CLMN: variants seen among roughly 807,000 people sequenced by gnomAD.
CLMN encodes calmin (calponin-like, transmembrane).
A neutral mutation model predicts 92.7 loss-of-function variants in CLMN; 57 were observed. The ratio of observed to expected loss-of-function variants is 0.61; its 90% CI spans 0.50 to 0.77. The LOEUF (loss-of-function observed/expected upper bound fraction) is 0.77, where lower values mean the gene tolerates loss of function less well. Among genes scored for constraint, CLMN ranks in the 30% least tolerant of loss-of-function variants. The pLI, the probability that CLMN is intolerant of heterozygous loss-of-function variation, is 0.00. For missense variants in CLMN, 1,158 were observed against 1,237.5 expected (o/e 0.94, Z 0.96); for synonymous variants, 466 against 470.6 (o/e 0.99, Z 0.13).
intron 2 of CLMN, 109 bp from the exon 3 acceptor site, chr14:95,223,964 C>T (rs1267284384): frequency 1.3e-6 from 1 of 770,750 alleles, no homozygotes; most frequent in Non-Finnish European, 2.1e-6. Flanking sequence ...ACATCCAGCT[C>T]TGTTTACAGG....
intron 1 of CLMN, among the ~76,000 whole-genome samples, chr14:95,267,651 C>A (rs1899529413): frequency 6.6e-6 from 1 of 152,188 alleles, no homozygotes; most frequent in South Asian, 2.1e-4. Flanking sequence ...ACCTTATGAT[C>A]CAGCAATCCC....
intron 1 of CLMN, among the ~76,000 whole-genome samples, chr14:95,284,103 C>A (rs1416433305): frequency 6.6e-6 from 1 of 152,166 alleles, no homozygotes; most frequent in Non-Finnish European, 1.5e-5. Context: ...CCAGCCGCTC[C>A]AGTTGTGGTG....
chr14:95,221,474 C>T (rs535853137), intron 4 of CLMN, among the ~76,000 whole-genome samples: 1 of 152,308 alleles, frequency 6.6e-6, no homozygotes, highest in South Asian at 2.1e-4. Context: ...AGTTTTAATC[C>T]TGATGGCTGC....
At chr14:95,193,410 C>G (rs3180753) in intron 12 of CLMN, 5 of 1,531,604 alleles carry the variant, frequency 3.3e-6, no homozygotes, top group Non-Finnish European at 4.4e-6. Flanking sequence ...CTTCTGAGTA[C>G]TGTACCTGCA....
chr14:95,199,223 A>C (rs1194611753), intron 9 of CLMN: 1 of 152,270 alleles, frequency 6.6e-6, no homozygotes, highest in Non-Finnish European at 1.5e-5. Context: ...TAAAATCTGC[A>C]GTGTCTTTTA....
rs1052829802 is a variant in CLMN, at chr14:95,187,035, G to C, written c.*4529C>G. 5 of 152,238 alleles carry C rather than the reference G, an allele frequency of 3.3e-5. No homozygotes were observed. Among genetic ancestry groups the C allele is most frequent in the African/African-American group, 1.2e-4 (5 of 41,444 alleles). 9.4% of individuals were successfully genotyped at this position (152,238 alleles called of 1,614,324 possible). A position where few individuals can be genotyped will look rare whatever the true frequency, so the allele number is the denominator to read the frequency against. ...TAACTAATCATGGCATTCAAGCAGAGCTTAGCCATGCTATGTATCCCTCTC... is the reference window on the plus strand; with the variant it reads ...TAACTAATCATGGCATTCAAGCAGACCTTAGCCATGCTATGTATCCCTCTC... On this transcript the variant is annotated 3_prime_UTR_variant, in exon 13 of 13. Transcript: ENST00000298912.
In CLMN at chr14:95,210,908, G is replaced by T. The variant is rs765740432; in HGVS notation, c.609-29C>A. Reference sequence around the variant, plus strand: ...AAGGAAAAACAGCAGCGGCGGCCAGGATGCTGGTTAGTAAACAGACTCAAA... The same window carrying T: ...AAGGAAAAACAGCAGCGGCGGCCAGTATGCTGGTTAGTAAACAGACTCAAA... On this transcript the variant is annotated intron_variant, in intron 6 of 12. Coordinates refer to ENST00000298912, the MANE Select transcript of CLMN (RefSeq NM_024734.4). The T allele has an allele frequency of 4.5e-5, 67 of 1,490,494 alleles. 1 individual carries two copies. The highest frequency in any genetic ancestry group is 5.9e-5 in the Non-Finnish European group (66 of 1,126,710). The allele number at this position is 1,490,494 out of a possible 1,614,324, so 92.3% of individuals were successfully genotyped here. A position where few individuals can be genotyped will look rare whatever the true frequency, so the allele number is the denominator to read the frequency against.
intron 1 of CLMN, among the ~76,000 whole-genome samples, chr14:95,241,052 A>G (rs1187804337): frequency 6.6e-6 from 1 of 152,172 alleles, no homozygotes; most frequent in Non-Finnish European, 1.5e-5. Context: ...AAGAAGAATT[A>G]GCTTGACCTC....
intron 1 of CLMN, among the ~76,000 whole-genome samples, chr14:95,245,210 A>AT (rs1555390352): frequency 2.9e-3 from 69 of 24,172 alleles, no homozygotes; most frequent in South Asian, 9.1e-3. Context: ...TATATATATT[A>AT]TATATATATA....
At chr14:95,209,841 C>T (rs139967991) in intron 7 of CLMN, among the ~76,000 whole-genome samples, 6 of 152,304 alleles carry the variant, frequency 3.9e-5, no homozygotes, top group Non-Finnish European at 7.4e-5. Flanking sequence ...GCCTAACCCA[C>T]GTGGAAGGCA....
intron 1 of CLMN, among the ~76,000 whole-genome samples, chr14:95,255,900 G>T (rs1309935708): frequency 6.6e-6 from 1 of 152,056 alleles, no homozygotes; most frequent in African/African-American, 2.4e-5. Context: ...TGAGTGTGGC[G>T]ATGTTTAGGA....
intron 3 of CLMN, among the ~76,000 whole-genome samples, chr14:95,223,450 CA>C (rs1276522243): frequency 6.6e-6 from 1 of 152,080 alleles, no homozygotes; most frequent in Non-Finnish European, 1.5e-5. Context: ...TTCCACTTCT[CA>C]GCGATGATTC....
chr14:95,219,739 C>A (rs550424859), intron 4 of CLMN, among the ~76,000 whole-genome samples: 1 of 152,304 alleles, frequency 6.6e-6, no homozygotes, highest in Admixed American at 6.5e-5. Context: ...GTCATTGACT[C>A]AACAGAAAGG....
At chr14:95,192,302 T>C (rs958295904) in intron 12 of CLMN, 6 of 152,226 alleles carry the variant, frequency 3.9e-5, no homozygotes, top group African/African-American at 1.4e-4. Flanking sequence ...GAATATTACC[T>C]TTAAAATAAT....
Position 95,266,983 on chromosome 14 carries a change from C to T in CLMN, c.83-36850G>A, listed in dbSNP as rs146717109. Reference sequence around the variant, plus strand: ...GCTGGGAAAATTGCATAACCATATGCCAAAGAATAAAGCTAGACTCCTATT... The same window carrying T: ...GCTGGGAAAATTGCATAACCATATGTCAAAGAATAAAGCTAGACTCCTATT... On this transcript the variant is annotated intron_variant, in intron 1 of 12. Coordinates refer to ENST00000298912, the MANE Select transcript of CLMN (RefSeq NM_024734.4). Among the ~76,000 whole-genome samples the T allele has an allele frequency of 6.8e-4, 104 of 152,142 alleles. No homozygotes were observed. The East Asian group carries it at 0.02, about 29-fold the overall frequency.
chr14:95,258,371 G>A (rs1899095555), intron 1 of CLMN, among the ~76,000 whole-genome samples: 1 of 150,342 alleles, frequency 6.7e-6, no homozygotes, highest in Admixed American at 6.6e-5. Context: ...GTGTGGGGGT[G>A]TGTATATGTG....
intron 1 of CLMN, among the ~76,000 whole-genome samples, chr14:95,246,871 T>C (rs1252240559): frequency 6.6e-6 from 1 of 152,188 alleles, no homozygotes; most frequent in Middle Eastern, 3.2e-3. Context: ...CCCAAATTCT[T>C]ATAGAGTTTA....
At chr14:95,318,500 G>C (rs1049319267) in intron 1 of CLMN, among the ~76,000 whole-genome samples, 1 of 152,094 alleles carries the variant, frequency 6.6e-6, no homozygotes, top group African/African-American at 2.4e-5. Flanking sequence ...GGGCTCCCAG[G>C]AAACATTCAA....
intron 1 of CLMN, among the ~76,000 whole-genome samples, chr14:95,288,159 T>C (rs1404971925): frequency 6.6e-6 from 1 of 152,144 alleles, no homozygotes; most frequent in East Asian, 1.9e-4. Flanking sequence ...GCCACAGTGG[T>C]ATCCCCCACA....
Sources: allele counts gnomAD v4.1 joint callset (sites outside exome capture counted in the v4.1 genomes callset), GRCh38; gene constraint gnomAD v4.1.1; transcripts MANE v1.5; gene names NCBI Gene and HGNC (gene_info 2026-07-23, HGNC 2026-07-21).